The following DGKB variants were observed in gnomAD, a reference collection of about 807,000 sequenced individuals.
The protein encoded by DGKB is 90 kDa diacylglycerol kinase.
A neutral mutation model predicts 114.3 loss-of-function variants in DGKB; 67 were observed. The ratio of observed to expected loss-of-function variants is 0.59; its 90% CI spans 0.48 to 0.72. DGKB has a LOEUF of 0.72. DGKB is among the 30% of genes least tolerant of loss of function. The probability of loss-of-function intolerance (pLI) is 0.00; values close to 1 mark genes in which losing one functional copy is unlikely to be tolerated. For missense variants in DGKB, 907 were observed against 975.2 expected, an observed-to-expected ratio of 0.93 and a Z score of 0.93; for synonymous variants, 398 against 323.1, an observed-to-expected ratio of 1.23 and a Z score of -2.49.
intron 20 of DGKB, among the ~76,000 whole-genome samples, chr7:14,515,866 G>C (rs1788706583): frequency 6.6e-6 from 1 of 152,102 alleles, no homozygotes; most frequent in Non-Finnish European, 1.5e-5. Flanking sequence ...TTTTTTGAGA[G>C]AAAGGTCTTG....
intron 17 of DGKB, among the ~76,000 whole-genome samples, chr7:14,583,481 T>C (rs145092220): frequency 8.5e-5 from 13 of 152,330 alleles, no homozygotes; most frequent in African/African-American, 3.1e-4. Flanking sequence ...CAGAATGACA[T>C]ATACTACATT....
chr7:14,539,634 T>A, intron 20 of DGKB, among the ~76,000 whole-genome samples: 1 of 152,098 alleles, frequency 6.6e-6, no homozygotes, highest in African/African-American at 2.4e-5. Context: ...TAACATACAG[T>A]CTTCTTGATA....
chr7:14,499,930 T>C (rs570490382), intron 20 of DGKB, among the ~76,000 whole-genome samples: 13 of 151,958 alleles, frequency 8.6e-5, no homozygotes, highest in African/African-American at 3.1e-4. Flanking sequence ...CTTTTAGGCA[T>C]TGGCTTTGAG....
At chr7:14,234,131 G>GAGAA (rs1792378407) in intron 23 of DGKB, among the ~76,000 whole-genome samples, 1 of 151,942 alleles carries the variant, frequency 6.6e-6, no homozygotes, top group Non-Finnish European at 1.5e-5. Context: ...GTCAGCTATG[G>GAGAA]AGAAAAAGTA....
intron 15 of DGKB, among the ~76,000 whole-genome samples, chr7:14,615,368 ATG>A: frequency 6.6e-6 from 1 of 152,062 alleles, no homozygotes. Flanking sequence ...ATGTTTTGAA[ATG>A]TCTCTCAGAG....
At chr7:14,328,012 CTTT>C (rs926037942) in intron 23 of DGKB, among the ~76,000 whole-genome samples, 14 of 152,058 alleles carry the variant, frequency 9.2e-5, no homozygotes, top group Admixed American at 8.5e-4. Context: ...GTGCACATGA[CTTT>C]TTAATTTTGA....
At chr7:14,167,845 C>G (rs964594213) in intron 25 of DGKB, among the ~76,000 whole-genome samples, 1 of 152,132 alleles carries the variant, frequency 6.6e-6, no homozygotes, top group Admixed American at 6.6e-5. Flanking sequence ...AATAAATTAA[C>G]ATTTCCTGTG....
intron 5 of DGKB, among the ~76,000 whole-genome samples, chr7:14,728,339 G>A (rs11971649): frequency 0.56 from 84,569 of 151,936 alleles, 24,203 homozygotes; most frequent in East Asian, 0.86. Context: ...ATGGCTTTCC[G>A]ATTTCTTCTG....
chr7:14,887,098 T>A (rs761722222), intron 1 of DGKB, among the ~76,000 whole-genome samples: 11 of 151,908 alleles, frequency 7.2e-5, no homozygotes, highest in Non-Finnish European at 1.5e-4. Context: ...ATTTCTGGTG[T>A]GATTTCCTGT....
At chr7:14,532,341 T>C (rs556170274) in intron 20 of DGKB, among the ~76,000 whole-genome samples, 2 of 150,764 alleles carry the variant, frequency 1.3e-5, no homozygotes, top group South Asian at 2.1e-4. Flanking sequence ...ATGTCAGAGA[T>C]TGTCAGCTAG....
At chr7:14,782,633 G>C (rs1839292272) in intron 2 of DGKB, among the ~76,000 whole-genome samples, 1 of 152,070 alleles carries the variant, frequency 6.6e-6, no homozygotes, top group African/African-American at 2.4e-5. Flanking sequence ...TTGTAATAGA[G>C]AATTACAGGT....
At chr7:14,722,127 T>C (rs1213443896) in intron 5 of DGKB, among the ~76,000 whole-genome samples, 1 of 152,214 alleles carries the variant, frequency 6.6e-6, no homozygotes, top group Non-Finnish European at 1.5e-5. Context: ...CTATCCAATC[T>C]CTATAATATA....
At chr7:14,232,373 G>T (rs897733571) in intron 23 of DGKB, among the ~76,000 whole-genome samples, 55 of 142,548 alleles carry the variant, frequency 3.9e-4, no homozygotes, top group African/African-American at 1.4e-3. Flanking sequence ...GTAAGTTAGT[G>T]AAAAAAAAAA....
In DGKB at chr7:14,450,594, A is replaced by C. The variant is rs75470619; in HGVS notation, c.1835+27567T>G. On this transcript the variant is annotated intron_variant, in intron 21 of 25. Coordinates refer to ENST00000402815, the MANE Select transcript of DGKB (RefSeq NM_001350709.2). ...CCCTTATTCTTCAGGTCAACACCTA[A>C]GAGTAGAAAAAAAATTCCTAAGTAA... 5.3e-3 allele frequency among the ~76,000 whole-genome samples: 804 copies of C among 152,186 alleles called. 5 individuals are homozygous for C. Among genetic ancestry groups the C allele is most frequent in the Middle Eastern group, 0.017 (5 of 294 alleles).
At chr7:14,611,537 T>A (rs944707622) in intron 16 of DGKB, among the ~76,000 whole-genome samples, 7 of 152,104 alleles carry the variant, frequency 4.6e-5, no homozygotes, top group African/African-American at 1.7e-4. Flanking sequence ...AAATTATGTT[T>A]GCATTGAAAA....
Position 14,345,356 on chromosome 7 carries a change from G to A in DGKB, c.1871C>T (p.Thr624Ile). Residue 624 changes from threonine (T) to isoleucine (I), a missense_variant, in exon 22 of 26, where the codon ACA (threonine) becomes ATA (isoleucine). Transcript: ENST00000402815. ...KNKFWYFEFG[T>I]SETFSATCKK... is the part of the protein sequence containing the mutation. ...GCAGGTGGCTGAGAAAGTTTCAGAT[G>A]TGCCAAACTCAAAATACCAAAATTT... 2 of 1,545,270 alleles carry A rather than the reference G, an allele frequency of 1.3e-6. No individual in the cohort carries two copies. The highest frequency in any genetic ancestry group is 1.7e-6 in the Non-Finnish European group (2 of 1,143,820).
chr7:14,458,859 C>T (rs895916588), intron 21 of DGKB, among the ~76,000 whole-genome samples: 2 of 152,178 alleles, frequency 1.3e-5, no homozygotes, highest in South Asian at 2.1e-4. Context: ...CAGAACCGTT[C>T]ACTCTCCTGG....
In DGKB at chr7:14,845,606, G is replaced by A. The variant is rs577559543; in HGVS notation, c.-187-4156C>T. 7.3e-4 allele frequency among the ~76,000 whole-genome samples: 111 copies of A among 152,242 alleles called. 2 individuals carry two copies. In the South Asian group the frequency reaches 0.022, roughly 30 times the overall value. Reference sequence around the variant, plus strand: ...TTCACTGCTGTTTTCCCAGTGCTTAGAAGAGTGCTTGGTATATAGTCTCAG... The same window carrying A: ...TTCACTGCTGTTTTCCCAGTGCTTAAAAGAGTGCTTGGTATATAGTCTCAG... On this transcript the variant is annotated intron_variant, in intron 1 of 25. Coordinates refer to ENST00000402815, the MANE Select transcript of DGKB (RefSeq NM_001350709.2).
intron 23 of DGKB, among the ~76,000 whole-genome samples, chr7:14,306,217 GAATT>G (rs1804443568): frequency 6.6e-6 from 1 of 151,902 alleles, no homozygotes; most frequent in Admixed American, 6.6e-5. Flanking sequence ...TTAAATATAT[GAATT>G]AATATTTTCA....
Sources: gnomAD v4.1 joint callset for allele counts (sites outside exome capture counted in the v4.1 genomes callset) on GRCh38, gnomAD v4.1.1 for gene constraint, MANE v1.5 for transcripts, NCBI Gene and HGNC (gene_info 2026-07-23, HGNC 2026-07-21) for gene names.